The following GAB1 variants were observed in gnomAD, a reference collection of about 807,000 sequenced individuals.
GAB1 encodes the protein GRB2-associated-binding protein 1.
GAB1 carries 19 observed loss-of-function variants against 66.5 expected under a neutral mutation model. The observed-to-expected ratio is 0.29, with a 90% CI of 0.20 to 0.42. The LOEUF (loss-of-function observed/expected upper bound fraction) is 0.42, where lower values mean the gene tolerates loss of function less well. Ranked by LOEUF, GAB1 falls within the 10% of genes least tolerant of loss-of-function variation. The probability of loss-of-function intolerance (pLI) is 1.00; values close to 1 mark genes in which losing one functional copy is unlikely to be tolerated. For synonymous variants in GAB1, 294 were observed against 301.4 expected (o/e 0.98, Z 0.25); for missense variants, 732 against 858.5 (o/e 0.85, Z 1.84).
chr4:143,369,378 A>G (rs1730021936), intron 1 of GAB1, among the ~76,000 whole-genome samples: 1 of 152,230 alleles, frequency 6.6e-6, no homozygotes, highest in South Asian at 2.1e-4. Flanking sequence ...CAGCTGGCCA[A>G]GAAATACCAG....
intron 1 of GAB1, among the ~76,000 whole-genome samples, chr4:143,401,707 G>A (rs1426383672): frequency 6.6e-6 from 1 of 152,108 alleles, no homozygotes; most frequent in Admixed American, 6.5e-5. Flanking sequence ...AAGGTTGTAT[G>A]GCTCCTGAAA....
chr4:143,458,798 C>T (rs954658973), intron 6 of GAB1, among the ~76,000 whole-genome samples: 4 of 151,840 alleles, frequency 2.6e-5, no homozygotes, highest in South Asian at 2.1e-4. Flanking sequence ...TTTTTCAGAG[C>T]GGAGTTTGGA....
chr4:143,380,117 A>G (rs1479550828), intron 1 of GAB1, among the ~76,000 whole-genome samples: 1 of 151,258 alleles, frequency 6.6e-6, no homozygotes, highest in Non-Finnish European at 1.5e-5. Flanking sequence ...CGTGGGCCTC[A>G]GTTTTTTTAT....
intron 1 of GAB1, among the ~76,000 whole-genome samples, chr4:143,413,852 G>T (rs532851144): frequency 1.4e-3 from 128 of 90,976 alleles, no homozygotes; most frequent in African/African-American, 0.013. Flanking sequence ...TTTTTTTGAG[G>T]AGGAGTCTTC....
At chr4:143,363,310 A>G (rs757858525) in intron 1 of GAB1, among the ~76,000 whole-genome samples, 15 of 152,236 alleles carry the variant, frequency 9.9e-5, no homozygotes, top group Non-Finnish European at 1.9e-4. Context: ...GACTGGGACC[A>G]GAGCTACAGA....
Position 143,459,386 on chromosome 4 carries a change from C to A in GAB1, c.1587C>A (p.Val529=). The A allele has an allele frequency of 1.3e-6, 2 of 1,592,626 alleles. No individual in the cohort carries two copies. The highest frequency in any genetic ancestry group is 1.1e-5 in the South Asian group (1 of 90,446). ...VDRNLKPDRK[V]KPAPLEIKPL... The stretch of plus-strand genomic sequence containing the variant: ...CTCTTTTTCTCTTTTTCTTTTCAGT[C>A]AAGCCAGCGCCTTTAGAAATAAAAC... Residue 529 remains valine, a splice_region_variant and synonymous_variant, in exon 7 of 10, where the codon GTC becomes GTA. Coordinates refer to ENST00000262994, the MANE Select transcript of GAB1 (RefSeq NM_002039.4).
chr4:143,433,806 C>A, intron 3 of GAB1, 90 bp downstream of exon 3: 1 of 1,060,242 alleles, frequency 9.4e-7, no homozygotes, highest in Non-Finnish European at 1.4e-6. Context: ...TTTTAAATTT[C>A]GATTTGCAGG....
intron 2 of GAB1, among the ~76,000 whole-genome samples, 189 bp from the exon 3 acceptor site, chr4:143,433,302 A>T (rs952219460): frequency 6.6e-6 from 1 of 152,206 alleles, no homozygotes; most frequent in Non-Finnish European, 1.5e-5. Context: ...TACTCTTTAG[A>T]TCTCTTTGAC....
At chr4:143,337,786 G>C in intron 1 of GAB1, among the ~76,000 whole-genome samples, 1 of 152,196 alleles carries the variant, frequency 6.6e-6, no homozygotes, top group East Asian at 1.9e-4. Flanking sequence ...GTAGAGACAA[G>C]CATATCGAAC....
At chr4:143,434,532 T>A (rs1733844276) in intron 3 of GAB1, among the ~76,000 whole-genome samples, 1 of 152,058 alleles carries the variant, frequency 6.6e-6, no homozygotes. Context: ...GCTAATTTTT[T>A]CTTTGTAGTG....
chr4:143,433,652 C>G lies in GAB1; in HGVS notation c.529C>G (p.Gln177Glu). Residue 177 changes from glutamine (Q) to glutamate (E), a missense_variant, in exon 3 of 10, where the codon CAG becomes GAG. Gln to Glu is a conservative substitution (Grantham distance 29). Coordinates refer to ENST00000262994, the MANE Select transcript of GAB1 (RefSeq NM_002039.4). ...VPPHLETLGIQEDPQDYLLLI... is the reference protein window; with the variant it reads ...VPPHLETLGIEEDPQDYLLLI... The stretch of plus-strand genomic sequence containing the variant: ...ACCACACCTGGAAACTCTTGGCATT[C>G]AGGAGGATCCTCAAGACTACCTGTT... The G allele has an allele frequency of 1.2e-5, 20 of 1,614,000 alleles. No homozygotes were observed. The highest frequency in any genetic ancestry group is 1.7e-5 in the Non-Finnish European group (20 of 1,179,926).
At chr4:143,445,741 T>C (rs917999024) in intron 6 of GAB1, among the ~76,000 whole-genome samples, 2 of 152,174 alleles carry the variant, frequency 1.3e-5, no homozygotes, top group Non-Finnish European at 2.9e-5. Flanking sequence ...CATATGTTTT[T>C]TGTTTTTAAT....
chr4:143,352,315 A>G (rs906790639), intron 1 of GAB1, among the ~76,000 whole-genome samples: 10 of 152,236 alleles, frequency 6.6e-5, no homozygotes, highest in Non-Finnish European at 1.5e-4. Flanking sequence ...GCAGCCACAG[A>G]GCAGGGCTGA....
chr4:143,378,032 A>T (rs1391775633), intron 1 of GAB1, among the ~76,000 whole-genome samples: 1 of 152,224 alleles, frequency 6.6e-6, no homozygotes, highest in Non-Finnish European at 1.5e-5. Flanking sequence ...TATTTAACTC[A>T]TCATATACTC....
chr4:143,368,393 C>T (rs1016592366), intron 1 of GAB1, among the ~76,000 whole-genome samples: 18 of 152,224 alleles, frequency 1.2e-4, no homozygotes, highest in African/African-American at 4.1e-4. Flanking sequence ...GTGGATGATG[C>T]TGGTGGTGAT....
chr4:143,408,719 G>A (rs768278567), intron 1 of GAB1, among the ~76,000 whole-genome samples: 3 of 152,042 alleles, frequency 2.0e-5, no homozygotes, highest in Non-Finnish European at 2.9e-5. Context: ...TTTGTGAAAC[G>A]CACATCTTCA....
intron 1 of GAB1, among the ~76,000 whole-genome samples, chr4:143,413,147 C>G (rs1427746519): frequency 6.6e-6 from 1 of 152,144 alleles, no homozygotes; most frequent in Non-Finnish European, 1.5e-5. Flanking sequence ...CTGGAGAAAT[C>G]ACTTACTGAA....
chr4:143,428,408 G>A (rs997361115), intron 2 of GAB1, among the ~76,000 whole-genome samples: 1 of 152,180 alleles, frequency 6.6e-6, no homozygotes, highest in Non-Finnish European at 1.5e-5. Context: ...CCAGATAACT[G>A]GTGGCTATAG....
chr4:143,464,662 T>G (rs1322026736), intron 8 of GAB1, among the ~76,000 whole-genome samples: 1 of 152,192 alleles, frequency 6.6e-6, no homozygotes, highest in Admixed American at 6.5e-5. Flanking sequence ...CATACCTGAT[T>G]ATATGAAATT....
Sources: allele counts gnomAD v4.1 joint callset (sites outside exome capture counted in the v4.1 genomes callset), GRCh38; gene constraint gnomAD v4.1.1; transcripts MANE v1.5; gene names NCBI Gene and HGNC (gene_info 2026-07-23, HGNC 2026-07-21).